MRTFB: variants seen among roughly 807,000 people sequenced by gnomAD.
MRTFB encodes myocardin related transcription factor B.
MRTFB carries 29 observed loss-of-function variants against 104.2 expected under a neutral mutation model. That is an observed-to-expected ratio of 0.28 (90% CI 0.21 to 0.38). MRTFB has a LOEUF of 0.38. Ranked by LOEUF, MRTFB falls within the 10% of genes least tolerant of loss-of-function variation. MRTFB has a pLI of 1.00. For synonymous variants in MRTFB, 535 were observed against 519.5 expected (o/e 1.03, Z -0.41); for missense variants, 1,270 against 1,341.6 (o/e 0.95, Z 0.83).
chr16:14,035,709 A>T, the MRTFB span, among the ~76,000 whole-genome samples: 1 of 152,074 alleles, frequency 6.6e-6, no homozygotes, highest in Admixed American at 6.6e-5. Flanking sequence ...TTAAAAAAAA[A>T]TGATTTCCAT....
At chr16:14,003,659 TCCCTCCCTCCC>T in the MRTFB span, among the ~76,000 whole-genome samples, 1 of 138,600 alleles carries the variant, frequency 7.2e-6, no homozygotes, top group Non-Finnish European at 1.5e-5. Flanking sequence ...CCTCCCTCCC[TCCCTCCCTCCC>T]TTCCTTCCTT....
intron 2 of MRTFB, among the ~76,000 whole-genome samples, chr16:14,122,289 T>A (rs2036888592): frequency 6.6e-6 from 1 of 151,412 alleles, no homozygotes; most frequent in African/African-American, 2.4e-5. Context: ...ATGTACCAAC[T>A]TTTTTTTTAT....
chr16:14,145,947 AC>A (rs1231562180), intron 3 of MRTFB, among the ~76,000 whole-genome samples: 4 of 152,200 alleles, frequency 2.6e-5, no homozygotes, highest in Non-Finnish European at 5.9e-5. Flanking sequence ...CTCTGAGGGG[AC>A]CCTGCGGGAG....
intron 8 of MRTFB, among the ~76,000 whole-genome samples, chr16:14,231,149 G>A (rs1170757387): frequency 7.0e-6 from 1 of 143,640 alleles, no homozygotes; most frequent in Admixed American, 7.0e-5. Flanking sequence ...AAGGGGAGGG[G>A]GGAGGGATAG....
intron 8 of MRTFB, among the ~76,000 whole-genome samples, chr16:14,223,811 G>T (rs2041864391): frequency 6.6e-6 from 1 of 152,090 alleles, no homozygotes; most frequent in South Asian, 2.1e-4. Context: ...AAGAAATAAT[G>T]GCCCAAAACT....
intron 11 of MRTFB, 111 bp downstream of exon 11, chr16:14,245,771 CCAA>C (rs2042985121): frequency 2.6e-6 from 3 of 1,169,790 alleles, no homozygotes; most frequent in Middle Eastern, 2.0e-4. Context: ...TTCAACTTTA[CCAA>C]CAATATGATA....
At chr16:14,098,081 C>T (rs1185998867) in intron 2 of MRTFB, among the ~76,000 whole-genome samples, 3 of 152,116 alleles carry the variant, frequency 2.0e-5, no homozygotes, top group Non-Finnish European at 4.4e-5. Context: ...TGCAAGTCTT[C>T]GTATGGACTC....
At chr16:14,203,804 GAAAAAAAAA>G (rs908323645) in intron 3 of MRTFB, among the ~76,000 whole-genome samples, 7 of 46,574 alleles carry the variant, frequency 1.5e-4, no homozygotes, top group South Asian at 7.5e-4. Flanking sequence ...ACTCTGTCTC[GAAAAAAAAA>G]AAAAAAAAAA....
chr16:14,090,879 GGTGT>G (rs55685117), intron 2 of MRTFB, among the ~76,000 whole-genome samples: 6,111 of 141,290 alleles, frequency 0.043, 108 homozygotes, highest in African/African-American at 0.052. Context: ...AGTTCAGCAT[GGTGT>G]GTGTGTGTGT....
the MRTFB span, among the ~76,000 whole-genome samples, chr16:13,995,348 C>A: frequency 1.3e-5 from 2 of 152,078 alleles, no homozygotes; most frequent in Non-Finnish European, 2.9e-5. Flanking sequence ...GGAGCCATGA[C>A]CCACTTAAAC....
At chr16:14,152,656 T>G (rs1016875776) in intron 3 of MRTFB, 22 of 152,298 alleles carry the variant, frequency 1.4e-4, no homozygotes, top group African/African-American at 5.3e-4. Context: ...GGGATTTATT[T>G]GGCTTGTAGT....
chr16:14,237,306 C>G (rs1008424418), intron 9 of MRTFB, among the ~76,000 whole-genome samples: 4 of 152,164 alleles, frequency 2.6e-5, no homozygotes, highest in African/African-American at 9.7e-5. Context: ...GGAGACTCAG[C>G]AAAAACAGCT....
At chr16:14,116,635 C>G (rs1027934093) in intron 2 of MRTFB, among the ~76,000 whole-genome samples, 1 of 149,070 alleles carries the variant, frequency 6.7e-6, no homozygotes, top group East Asian at 2.0e-4. Flanking sequence ...GCACTATTGA[C>G]ATTTTGAACT....
At chr16:14,056,026 T>A in the MRTFB span, among the ~76,000 whole-genome samples, 4 of 152,218 alleles carry the variant, frequency 2.6e-5, no homozygotes, top group Non-Finnish European at 4.4e-5. Context: ...TCACCCAGGC[T>A]AGAGTGCAGT....
At chr16:14,089,234 C>T (rs1567308983) in intron 2 of MRTFB, among the ~76,000 whole-genome samples, 1 of 152,134 alleles carries the variant, frequency 6.6e-6, no homozygotes, top group Non-Finnish European at 1.5e-5. Context: ...CAGAGTTGTA[C>T]ACCCATCACT....
At chr16:14,095,146 A>G (rs919552236) in intron 2 of MRTFB, among the ~76,000 whole-genome samples, 1 of 152,240 alleles carries the variant, frequency 6.6e-6, no homozygotes, top group East Asian at 1.9e-4. Context: ...ATTGTTGGGT[A>G]TACCCAGTCC....
chr16:14,174,551 C>T (rs2039521942), intron 3 of MRTFB, among the ~76,000 whole-genome samples: 1 of 151,938 alleles, frequency 6.6e-6, no homozygotes, highest in Admixed American at 6.6e-5. Flanking sequence ...GGCATGGTGG[C>T]GCACACCTGT....
chr16:14,234,382 G>A, intron 9 of MRTFB, 99 bp downstream of exon 9: 1 of 1,395,810 alleles, frequency 7.2e-7, no homozygotes, highest in Non-Finnish European at 9.6e-7. Context: ...AACTTGCTCA[G>A]CCTGCCTTTT....
chr16:14,107,981 C>T (rs955389989), intron 2 of MRTFB, among the ~76,000 whole-genome samples: 3 of 152,196 alleles, frequency 2.0e-5, no homozygotes, highest in African/African-American at 7.2e-5. Context: ...CCACCCCTGC[C>T]TTCTATTCCT....
Sources: gnomAD v4.1 joint callset for allele counts (sites outside exome capture counted in the v4.1 genomes callset) on GRCh38, gnomAD v4.1.1 for gene constraint, MANE v1.5 for transcripts, NCBI Gene and HGNC (gene_info 2026-07-23, HGNC 2026-07-21) for gene names.